Variants in RGL3 observed in about 807,000 individuals in gnomAD.
The protein encoded by RGL3 is ral guanine nucleotide dissociation stimulator-like 3.
Under a neutral mutation model 90.6 loss-of-function variants are expected in RGL3, and 85 were observed. The ratio of observed to expected loss-of-function variants is 0.94; its 90% CI spans 0.79 to 1.12. The LOEUF is 1.12. Among genes scored for constraint, RGL3 ranks in the 50% most tolerant of loss-of-function variants. The pLI is 0.00. For missense variants in RGL3, 1,034 were observed against 939.2 expected (o/e 1.10, Z -1.32); for synonymous variants, 408 against 385.5 (o/e 1.06, Z -0.68).
intron 9 of RGL3, among the ~76,000 whole-genome samples, chr19:11,403,197 A>G (rs1968710970): frequency 6.6e-6 from 1 of 150,908 alleles, no homozygotes; most frequent in African/African-American, 2.4e-5. Context: ...CACCTCGCCC[A>G]GCTAATTTTT....
intron 9 of RGL3, among the ~76,000 whole-genome samples, chr19:11,404,318 A>G (rs951317287): frequency 6.7e-6 from 1 of 150,190 alleles, no homozygotes; most frequent in African/African-American, 2.4e-5. Context: ...ACCTCAGGTC[A>G]GGGATTCGAG....
At chr19:11,400,334 GGAA>G in intron 13 of RGL3, 37 bp from the exon 14 acceptor site, 1 of 1,508,284 alleles carries the variant, frequency 6.6e-7, no homozygotes, top group Middle Eastern at 1.8e-4. Context: ...GGTGGGGGCA[GGAA>G]ATACAGGGGA....
In RGL3 at chr19:11,402,519, G is replaced by C. The variant is rs377658896; in HGVS notation, c.1265C>G (p.Pro422Arg). The C allele has an allele frequency of 1.9e-6, 3 of 1,605,068 alleles. No individual in the cohort carries two copies. Among genetic ancestry groups the C allele is most frequent in the African/African-American group, 2.7e-5 (2 of 74,298 alleles). The change falls in exon 11 of 19, where the codon CCC becomes CGC. Residue 422 changes from proline (P) to arginine (R), a missense_variant. Transcript: ENST00000380456. ...GTCCGTAAGGAAGGTGCCAAGGTAG[G>C]GGACAGGGCCTGGGGGTGGTTTCTG... ...LPSKPPPGPV[P>R]YLGTFLTDLV...
chr19:11,396,662 CTTTTTTTTTT>C (rs34889967), intron 18 of RGL3, among the ~76,000 whole-genome samples: 2 of 123,108 alleles, frequency 1.6e-5, no homozygotes, highest in African/African-American at 6.2e-5. Flanking sequence ...CGTGGACAGT[CTTTTTTTTTT>C]TTTTTTTTTT....
intron 7 of RGL3, 74 bp downstream of exon 7, chr19:11,406,345 C>A: frequency 7.2e-7 from 1 of 1,397,118 alleles, no homozygotes; most frequent in Non-Finnish European, 9.7e-7. Flanking sequence ...GCCCCTATCT[C>A]TCTCCGGAGC....
intron 16 of RGL3, among the ~76,000 whole-genome samples, chr19:11,399,510 G>A (rs543827564): frequency 8.0e-4 from 121 of 152,180 alleles, no homozygotes; most frequent in African/African-American, 2.7e-3. Context: ...TGGAAGTTGC[G>A]GTGAGCTGAG....
At chr19:11,408,459 G>C (rs182496857) in intron 5 of RGL3, among the ~76,000 whole-genome samples, 4 of 152,120 alleles carry the variant, frequency 2.6e-5, no homozygotes, top group Admixed American at 2.6e-4. Flanking sequence ...GATGGCACGC[G>C]CCTGTAATCC....
intron 5 of RGL3, among the ~76,000 whole-genome samples, chr19:11,407,197 G>A (rs1226902098): frequency 6.6e-6 from 1 of 151,986 alleles, no homozygotes. Context: ...TGTTGGCCAG[G>A]CTGGTCTCAA....
At chr19:11,405,723 T>C (rs2144727124) in intron 7 of RGL3, among the ~76,000 whole-genome samples, 1 of 148,740 alleles carries the variant, frequency 6.7e-6, no homozygotes, top group South Asian at 2.2e-4. Flanking sequence ...TTGGACAGAG[T>C]CTCGCTTTAT....
intron 8 of RGL3, 38 bp downstream of exon 8, chr19:11,405,285 C>T: frequency 1.2e-6 from 2 of 1,612,436 alleles, no homozygotes; most frequent in Non-Finnish European, 1.7e-6. Context: ...AGGGTCAGAC[C>T]TGGGATGGGC....
rs374948399 is a variant in RGL3, at chr19:11,417,143, ACT to A, written c.148-86_148-85del. On this transcript the variant is annotated intron_variant, in intron 2 of 18. Coordinates refer to ENST00000380456, the MANE Select transcript of RGL3 (RefSeq NM_001035223.4). ...TCTAGTCACATTCATCACTAGCACC[ACT>A]CTTTTTTTTTTTGTTTTTTTTTTTG... 2,133 of 884,646 alleles carry A rather than the reference ACT, an allele frequency of 2.4e-3. 9 individuals are homozygous for A. The highest frequency in any genetic ancestry group is 8.9e-3 in the South Asian group (385 of 43,242). 54.8% of individuals were successfully genotyped at this position (884,646 alleles called of 1,614,324 possible). A position where few individuals can be genotyped will look rare whatever the true frequency, so the allele number is the denominator to read the frequency against.
chr19:11,414,195 CTTTA>C (rs1219736046), intron 5 of RGL3, among the ~76,000 whole-genome samples: 23 of 46,376 alleles, frequency 5.0e-4, no homozygotes, highest in African/African-American at 1.8e-3. Context: ...ATATATATAC[CTTTA>C]TATATATATA....
intron 5 of RGL3, among the ~76,000 whole-genome samples, chr19:11,410,995 GGTTAGGA>G (rs1275801248): frequency 6.6e-6 from 1 of 151,974 alleles, no homozygotes; most frequent in African/African-American, 2.4e-5. Flanking sequence ...GATCACTAAA[GGTTAGGA>G]GTTCAAGACC....
chr19:11,405,085 G>T, intron 9 of RGL3, 62 bp downstream of exon 9: 1 of 1,350,054 alleles, frequency 7.4e-7, no homozygotes, highest in Non-Finnish European at 1.1e-6. Context: ...CCCCTGCCTG[G>T]CCCCAAGTCC....
chr19:11,402,324 GA>G, intron 11 of RGL3, 77 bp from the exon 12 acceptor site: 2 of 1,596,188 alleles, frequency 1.3e-6, no homozygotes, highest in Non-Finnish European at 1.7e-6. Flanking sequence ...GGGATGTCAG[GA>G]GCCCCACTGT....
chr19:11,396,126 C>A (rs317919), intron 18 of RGL3, among the ~76,000 whole-genome samples: 20 of 58,078 alleles, frequency 3.4e-4, no homozygotes, highest in South Asian at 5.9e-4. Context: ...CTCTCTCTCT[C>A]TCTCTCTCTC....
intron 4 of RGL3, 160 bp from the exon 5 acceptor site, chr19:11,416,308 TC>T: frequency 1.6e-6 from 1 of 643,126 alleles, no homozygotes; most frequent in Non-Finnish European, 2.6e-6. Flanking sequence ...AACCTCAGCC[TC>T]CCGAGTAGCT....
At chr19:11,396,686 AC>A (rs566108147) in intron 18 of RGL3, among the ~76,000 whole-genome samples, 387 of 143,452 alleles carry the variant, frequency 2.7e-3, no homozygotes, top group South Asian at 6.2e-3. Flanking sequence ...TTTTTTTTAA[AC>A]AGAGTCTCGC....
At position 11,405,147 on chromosome 19, in the gene RGL3, C is replaced by T; in HGVS notation, c.1185G>A (p.Gln395=). The T allele has an allele frequency of 6.2e-7, 1 of 1,613,868 alleles. No individual in the cohort carries two copies. The highest frequency in any genetic ancestry group is 8.5e-7 in the Non-Finnish European group (1 of 1,179,764). Residue 395 remains glutamine, a splice_region_variant and synonymous_variant, in exon 9 of 19, where the codon CAG becomes CAA. Transcript: ENST00000380456. ...NHLSSREILF[Q]EEATEGSQEE... Reference sequence around the variant, plus strand: ...CCCTGGAGTCTGCATCCATCTCTACCTGGAAAAGAATCTCTCTGCTGCTGA... The same window carrying T: ...CCCTGGAGTCTGCATCCATCTCTACTTGGAAAAGAATCTCTCTGCTGCTGA...
Sources: allele counts gnomAD v4.1 joint callset (sites outside exome capture counted in the v4.1 genomes callset), GRCh38; gene constraint gnomAD v4.1.1; transcripts MANE v1.5; gene names NCBI Gene and HGNC (gene_info 2026-07-23, HGNC 2026-07-21).